Variants in KCNC3 observed in about 807,000 individuals in gnomAD.
KCNC3 encodes potassium voltage-gated channel subfamily C member 3.
A neutral mutation model predicts 43.9 loss-of-function variants in KCNC3; 22 were observed. The observed-to-expected ratio is 0.50, with a 90% CI of 0.36 to 0.72. KCNC3 has a LOEUF of 0.72. Ranked by LOEUF, KCNC3 falls within the 30% of genes least tolerant of loss-of-function variation. The pLI, the probability that KCNC3 is intolerant of heterozygous loss-of-function variation, is 0.00. For synonymous variants in KCNC3, 492 were observed against 488.0 expected (o/e 1.01, Z -0.11); for missense variants, 829 against 1,073.8 (o/e 0.77, Z 3.19).
rs559730664 is a variant in KCNC3 at position 50,313,723 on chromosome 19, G to C, written c.*2392C>G. 1 of 152,378 alleles carries C rather than the reference G, an allele frequency of 6.6e-6. No homozygotes were observed. The highest frequency in any genetic ancestry group is 1.9e-4 in the East Asian group (1 of 5,188). The allele number at this position is 152,378 out of a possible 1,614,324, so 9.4% of individuals were successfully genotyped here. ...GGGTGCGGAACAGGCCTGAGGCTTT[G>C]GGGGTGTCCAAGAAATGTCAGTTGT... is the stretch of plus-strand genomic sequence containing the variant. On this transcript the variant is annotated 3_prime_UTR_variant, in exon 5 of 5. Transcript: ENST00000477616.
Position 50,328,918 on chromosome 19 carries a change from G to A in KCNC3, c.165C>T (p.Pro55=), listed in dbSNP as rs1243146427. The change falls in exon 1 of 5, where the codon CCC becomes CCT. Residue 55 remains proline, a synonymous_variant. Coordinates refer to ENST00000477616, the MANE Select transcript of KCNC3 (RefSeq NM_004977.3). ...QPGPAASPAG[P]PAPRGPGDRR... ...GGTCCCCGGGCCCGCGGGGTGCCGG[G>A]GGGCCCGCCGGGGACGCGGCGGGGC... is the stretch of plus-strand genomic sequence containing the variant. 3.5e-6 allele frequency: 3 copies of A among 865,174 alleles called. No homozygotes were observed. The highest frequency in any genetic ancestry group is 4.2e-6 in the Non-Finnish European group (3 of 722,050). 53.6% of individuals were successfully genotyped at this position (865,174 alleles called of 1,614,324 possible). A position where few individuals can be genotyped will look rare whatever the true frequency, so the allele number is the denominator to read the frequency against.
At position 50,328,294 on chromosome 19, in the gene KCNC3, G is replaced by A; in HGVS notation, c.789C>T (p.Gly263=). 2.6e-6 allele frequency: 3 copies of A among 1,161,654 alleles called. No individual in the cohort carries two copies. The highest frequency in any genetic ancestry group is 2.1e-6 in the Non-Finnish European group (2 of 946,744). 72.0% of individuals were successfully genotyped at this position (1,161,654 alleles called of 1,614,324 possible). The change falls in exon 1 of 5, where the codon GGC becomes GGT. Residue 263 remains glycine (G), a synonymous_variant. Coordinates refer to ENST00000477616, the MANE Select transcript of KCNC3 (RefSeq NM_004977.3). ...GAGGPPGGAG[G]AGGTWWRRWQ... ...AGCGGCGCCACCATGTGCCGCCCGC[G>A]CCGCCCGCGCCCCCTGGCGGCCCCC...
chr19:50,316,301 GGGGAGGAGGAAGGAT>G (rs1265458700), intron 4 of KCNC3, among the ~76,000 whole-genome samples: 2 of 152,010 alleles, frequency 1.3e-5, no homozygotes, highest in African/African-American at 4.8e-5. Flanking sequence ...GGGAGGGGGA[GGGGAGGAGGAAGGAT>G]GGGAGGAGGG....
At chr19:50,330,674 G>C (rs557861747), upstream of KCNC3, among the ~76,000 whole-genome samples, 5 of 152,306 alleles carry the variant, frequency 3.3e-5, no homozygotes, top group East Asian at 9.7e-4. Flanking sequence ...CGGGAGAGGG[G>C]AGAGGCCAAA....
Position 50,313,727 on chromosome 19 carries a change from G to A in KCNC3, c.*2388C>T, listed in dbSNP as rs1012166196. 1.3e-5 allele frequency: 2 copies of A among 152,232 alleles called. No individual in the cohort carries two copies. Among genetic ancestry groups the A allele is most frequent in the African/African-American group, 2.4e-5 (1 of 41,436 alleles). 9.4% of individuals were successfully genotyped at this position (152,232 alleles called of 1,614,324 possible). On this transcript the variant is annotated 3_prime_UTR_variant, in exon 5 of 5. Transcript: ENST00000477616. ...GCGGAACAGGCCTGAGGCTTTGGGG[G>A]TGTCCAAGAAATGTCAGTTGTGGGA... is the stretch of plus-strand genomic sequence containing the variant.
intron 2 of KCNC3, among the ~76,000 whole-genome samples, chr19:50,321,032 C>T (rs1036789042): frequency 1.5e-5 from 2 of 132,500 alleles, no homozygotes; most frequent in African/African-American, 3.6e-5. Flanking sequence ...CTGGGAAGGG[C>T]GACTGCAGTT....
In KCNC3 at chr19:50,329,094, C is replaced by CT; in HGVS notation, c.-13_-12insA. ...ACTGAGCTCAGCATTGGACGGGGGG[C>CT]GGGGCGGGAGGGGCGGGGACGCAGG... On this transcript the variant is annotated 5_prime_UTR_variant, in exon 1 of 5. Coordinates refer to ENST00000477616, the MANE Select transcript of KCNC3 (RefSeq NM_004977.3). The CT allele has an allele frequency of 1.4e-5, 1 of 69,700 alleles. No individual in the cohort carries two copies. Among genetic ancestry groups the CT allele is most frequent in the Non-Finnish European group, 2.3e-5 (1 of 42,906 alleles). The allele number at this position is 69,700 out of a possible 1,614,324, so 4.3% of individuals were successfully genotyped here. A position where few individuals can be genotyped will look rare whatever the true frequency, so the allele number is the denominator to read the frequency against.
intron 4 of KCNC3, among the ~76,000 whole-genome samples, chr19:50,317,805 T>G (rs746012823): frequency 6.6e-6 from 1 of 152,200 alleles, no homozygotes; most frequent in Non-Finnish European, 1.5e-5. Context: ...GAACTCCTTT[T>G]CTTCCCCCAG....
chr19:50,324,164 G>GC lies in KCNC3; in HGVS notation c.871-83dup. The GC allele has an allele frequency of 7.1e-7, 1 of 1,399,096 alleles. No homozygotes were observed. Among genetic ancestry groups the GC allele is most frequent in the Non-Finnish European group, 9.6e-7 (1 of 1,043,162 alleles). 86.7% of individuals were successfully genotyped at this position (1,399,096 alleles called of 1,614,324 possible). On this transcript the variant is annotated intron_variant, in intron 1 of 4. Transcript: ENST00000477616. The surrounding 1 kb of genome is among the most constrained non-coding windows in gnomAD (Gnocchi z 4.1). ...ATAACATCCAGAAGACCCTTCCAGT[G>GC]CCCCCTTCCCCAGCCTCCTGGGCCC...
intron 1 of KCNC3, among the ~76,000 whole-genome samples, chr19:50,326,273 C>T (rs80226314): frequency 0.012 from 1,896 of 152,314 alleles, 17 homozygotes; most frequent in Non-Finnish European, 0.021. Flanking sequence ...AACTTCATCC[C>T]GCTCCTCATC....
upstream of KCNC3, chr19:50,329,388 T>C (rs1361393669): frequency 5.7e-6 from 1 of 175,008 alleles, no homozygotes; most frequent in Non-Finnish European, 1.2e-5. Flanking sequence ...TACTACTAAT[T>C]GTGTTCGGCA....
At chr19:50,316,407 G>A (rs2036954732) in intron 4 of KCNC3, among the ~76,000 whole-genome samples, 1 of 151,944 alleles carries the variant, frequency 6.6e-6, no homozygotes, top group South Asian at 2.1e-4. Flanking sequence ...GGACAAGCCT[G>A]GAGGAAAGGA....
Position 50,329,086 on chromosome 19 carries a change from A to G in KCNC3, c.-4T>C, listed in dbSNP as rs878940367. 1 of 190,316 alleles carries G rather than the reference A, an allele frequency of 5.3e-6. No individual in the cohort carries two copies. Among genetic ancestry groups the G allele is most frequent in the Admixed American group, 2.0e-4 (1 of 5,114 alleles). The allele number at this position is 190,316 out of a possible 1,614,324, so 11.8% of individuals were successfully genotyped here. On this transcript the variant is annotated 5_prime_UTR_variant, in exon 1 of 5. Coordinates refer to ENST00000477616, the MANE Select transcript of KCNC3 (RefSeq NM_004977.3). The stretch of plus-strand genomic sequence containing the variant: ...AGACGCAGACTGAGCTCAGCATTGG[A>G]CGGGGGGCGGGGCGGGAGGGGCGGG...
chr19:50,326,186 A>G (rs1449372339), intron 1 of KCNC3, among the ~76,000 whole-genome samples: 1 of 152,200 alleles, frequency 6.6e-6, no homozygotes, highest in Non-Finnish European at 1.5e-5. Context: ...TTGGACACCC[A>G]AAACACATTG....
Position 50,323,857 on chromosome 19 carries a change from G to A in KCNC3, c.1096C>T (p.Arg366Cys). Residue 366 changes from arginine (R) to cysteine (C), a missense_variant, in exon 2 of 5, where the codon CGC (arginine) becomes TGC (cysteine). Around this residue, in one of 7 missense-constraint regions of KCNC3, gnomAD observed 157 missense variants for 293.5 expected, o/e 0.53. Coordinates refer to ENST00000477616, the MANE Select transcript of KCNC3 (RefSeq NM_004977.3). Reference protein sequence around the residue: ...VVWFTFEFLMRITFCPDKVEF... With the variant: ...VVWFTFEFLMCITFCPDKVEF... ...ACCTTGTCTGGGCAGAAGGTGATGC[G>A]CATGAGGAACTCGAAGGTGAACCAG... The A allele has an allele frequency of 1.9e-6, 3 of 1,614,164 alleles. No individual in the cohort carries two copies. The highest frequency in any genetic ancestry group is 2.5e-6 in the Non-Finnish European group (3 of 1,180,034).
rs189639184 is a variant in KCNC3, at chr19:50,328,981, T to G, written c.102A>C (p.Pro34=). 44 of 1,073,540 alleles carry G rather than the reference T, an allele frequency of 4.1e-5. No individual in the cohort carries two copies. The highest frequency in any genetic ancestry group is 1.9e-4 in the Admixed American group (4 of 21,238). The allele number at this position is 1,073,540 out of a possible 1,614,324, so 66.5% of individuals were successfully genotyped here. A position where few individuals can be genotyped will look rare whatever the true frequency, so the allele number is the denominator to read the frequency against. Residue 34 remains proline, a synonymous_variant, in exon 1 of 5, where the codon CCA becomes CCC. Coordinates refer to ENST00000477616, the MANE Select transcript of KCNC3 (RefSeq NM_004977.3). Reference sequence around the variant, plus strand: ...GCTGCTGCTGCTGCGGCGGCAGCGGTGGCGGCGGCGGGGACTCGGGCGGCT... The same window carrying G: ...GCTGCTGCTGCTGCGGCGGCAGCGGGGGCGGCGGCGGGGACTCGGGCGGCT... ...PPQPPESPPP[P]PLPPQQQQPA...
upstream of KCNC3, among the ~76,000 whole-genome samples, chr19:50,329,978 G>A (rs989163575): frequency 6.6e-6 from 1 of 152,136 alleles, no homozygotes; most frequent in African/African-American, 2.4e-5. Flanking sequence ...AATAGAAAAC[G>A]TCTTGAGGCA....
chr19:50,316,693 G>T (rs976568897), intron 4 of KCNC3, among the ~76,000 whole-genome samples: 3 of 151,980 alleles, frequency 2.0e-5, no homozygotes, highest in Admixed American at 6.6e-5. Flanking sequence ...CCAAGATTGC[G>T]CCACTGCACT....
At position 50,315,153 on chromosome 19, in the gene KCNC3, CAG is replaced by C. The variant is rs2036931739; in HGVS notation, c.*960_*961del. On this transcript the variant is annotated 3_prime_UTR_variant, in exon 5 of 5. Transcript: ENST00000477616. ...AGAGAGACAGAGAAGGCAAGACAGA[CAG>C]AGTCAGGCAGACAGAGACACAAAAG... Among the ~76,000 whole-genome samples, 2 of 152,054 alleles carry C rather than the reference CAG, an allele frequency of 1.3e-5. No individual in the cohort carries two copies. The highest frequency in any genetic ancestry group is 4.8e-5 in the African/African-American group (2 of 41,372).
Sources: gnomAD v4.1 joint callset for allele counts (sites outside exome capture counted in the v4.1 genomes callset) on GRCh38, gnomAD v4.1.1 for gene constraint, gnomAD v4.1.1 regional missense constraint, Gnocchi (gnomAD v3.1) non-coding constraint, MANE v1.5 for transcripts, NCBI Gene and HGNC (gene_info 2026-07-23, HGNC 2026-07-21) for gene names.